SMYD3: variants seen among roughly 807,000 people sequenced by gnomAD.
SMYD3 encodes the protein histone-lysine N-methyltransferase SMYD3.
Under a neutral mutation model 57.7 loss-of-function variants are expected in SMYD3, and 36 were observed. That is an observed-to-expected ratio of 0.62 (90% CI 0.48 to 0.82). The LOEUF (loss-of-function observed/expected upper bound fraction) is 0.82. Among genes scored for constraint, SMYD3 ranks in the 40% least tolerant of loss-of-function variants. SMYD3 has a pLI of 0.00. For synonymous variants in SMYD3, 211 were observed against 195.0 expected, an observed-to-expected ratio of 1.08 and a Z score of -0.68; for missense variants, 515 against 538.8, an observed-to-expected ratio of 0.96 and a Z score of 0.44.
intron 1 of SMYD3, among the ~76,000 whole-genome samples, chr1:246,440,355 G>A (rs4654253): frequency 0.65 from 99,471 of 151,908 alleles, 32,849 homozygotes; most frequent in Admixed American, 0.78. Context: ...AGTACTTACC[G>A]TTTGCCAAGC....
chr1:246,035,070 C>T (rs114047953), intron 5 of SMYD3: 2,308 of 152,304 alleles, frequency 0.015, 33 homozygotes, highest in African/African-American at 0.035. Context: ...CCCACCTGAC[C>T]CTACCCTTCC....
chr1:246,482,799 G>A (rs570785171), intron 1 of SMYD3, among the ~76,000 whole-genome samples: 1 of 152,222 alleles, frequency 6.6e-6, no homozygotes, highest in African/African-American at 2.4e-5. Context: ...GGAAATCAAG[G>A]CCATATACTT....
chr1:246,427,469 G>A (rs1430302907), intron 1 of SMYD3, among the ~76,000 whole-genome samples: 1 of 147,730 alleles, frequency 6.8e-6, no homozygotes, highest in Non-Finnish European at 1.5e-5. Flanking sequence ...GCAGTGAGCC[G>A]AGATCCCGCC....
chr1:246,165,712 A>G (rs3845516), intron 5 of SMYD3, among the ~76,000 whole-genome samples: 52,020 of 152,000 alleles, frequency 0.34, 10,618 homozygotes, highest in African/African-American at 0.55. Flanking sequence ...AAAGTGAATA[A>G]AGGTCGGGGA....
At chr1:246,254,815 T>A (rs1039175031) in intron 5 of SMYD3, among the ~76,000 whole-genome samples, 10 of 152,196 alleles carry the variant, frequency 6.6e-5, no homozygotes, top group Admixed American at 2.6e-4. Context: ...CTTTCAGCAG[T>A]GTTTTCTAAT....
At chr1:245,841,920 C>T (rs2050421909) in intron 10 of SMYD3, among the ~76,000 whole-genome samples, 1 of 152,210 alleles carries the variant, frequency 6.6e-6, no homozygotes, top group Admixed American at 6.5e-5. Context: ...TATACTGGAG[C>T]TGCCCTATGC....
intron 1 of SMYD3, among the ~76,000 whole-genome samples, chr1:246,378,717 A>C (rs1489086264): frequency 1.6e-5 from 1 of 61,596 alleles, no homozygotes; most frequent in Non-Finnish European, 3.2e-5. Context: ...TATATATAAT[A>C]TAATATATTA....
chr1:246,240,394 TG>T (rs1163907174), intron 5 of SMYD3, among the ~76,000 whole-genome samples: 4 of 152,192 alleles, frequency 2.6e-5, no homozygotes, highest in African/African-American at 7.2e-5. Context: ...AAAGATCAGA[TG>T]GTTGTAGATG....
chr1:246,456,834 A>T (rs1055629522), intron 1 of SMYD3, among the ~76,000 whole-genome samples: 2 of 152,222 alleles, frequency 1.3e-5, no homozygotes, highest in Non-Finnish European at 2.9e-5. Context: ...AAGCAGGCAG[A>T]CACAAGATCA....
chr1:245,779,986 C>T (rs1337254212), intron 10 of SMYD3, among the ~76,000 whole-genome samples: 3 of 152,110 alleles, frequency 2.0e-5, no homozygotes, highest in African/African-American at 7.2e-5. Context: ...CCACCTCACA[C>T]CCACTAGGAT....
At chr1:246,309,060 G>A (rs1243942190) in intron 5 of SMYD3, among the ~76,000 whole-genome samples, 2 of 151,712 alleles carry the variant, frequency 1.3e-5, no homozygotes, top group African/African-American at 2.4e-5. Context: ...AGAAGCATCC[G>A]TTCTGTATTA....
intron 5 of SMYD3, among the ~76,000 whole-genome samples, chr1:246,261,145 G>A (rs12028902): frequency 0.15 from 23,176 of 151,924 alleles, 2,345 homozygotes; most frequent in East Asian, 0.34. Flanking sequence ...TGCAAGCTCC[G>A]CCTCCTGGGT....
intron 11 of SMYD3, among the ~76,000 whole-genome samples, chr1:245,756,511 C>T (rs559434634): frequency 1.3e-5 from 2 of 152,122 alleles, no homozygotes; most frequent in East Asian, 1.9e-4. Flanking sequence ...GTTTAGAGAA[C>T]TTCTTTAGCC....
chr1:246,409,025 GT>G (rs11284988), intron 1 of SMYD3, among the ~76,000 whole-genome samples: 66,538 of 151,354 alleles, frequency 0.44, 15,302 homozygotes, highest in Admixed American at 0.54. Flanking sequence ...TTTTTGATGG[GT>G]TTTTTTTTCT....
At chr1:245,797,828 CA>C (rs559088835) in intron 10 of SMYD3, among the ~76,000 whole-genome samples, 1,370 of 109,394 alleles carry the variant, frequency 0.013, 15 homozygotes, top group Middle Eastern at 0.03. Context: ...TTCCGGGTTC[CA>C]AAAAAAAAAA....
rs558843682 is a variant in SMYD3 at position 245,934,719 on chromosome 1, T to C, written c.532-4782A>G. ...GAATCCACAAAGTGTTACCGGAAGG[T>C]TTACGAGAGTACAGGTGATTTCGGC... On this transcript the variant is annotated intron_variant, in intron 5 of 11. Transcript: ENST00000490107. 3.3e-5 allele frequency among the ~76,000 whole-genome samples: 5 copies of C among 152,146 alleles called. No homozygotes were observed. The South Asian group carries it at 1.0e-3, about 32-fold the overall frequency.
At chr1:245,782,406 T>A (rs1279162182) in intron 10 of SMYD3, among the ~76,000 whole-genome samples, 1 of 152,208 alleles carries the variant, frequency 6.6e-6, no homozygotes, top group African/African-American at 2.4e-5. Context: ...TAAACGTTCA[T>A]GAAAAGAAAG....
At chr1:246,480,703 C>A (rs1370664988) in intron 1 of SMYD3, among the ~76,000 whole-genome samples, 2 of 152,136 alleles carry the variant, frequency 1.3e-5, no homozygotes, top group Admixed American at 6.5e-5. Context: ...TAATCAATCC[C>A]CCATTCCCTT....
At chr1:246,494,468 G>A (rs2068325851) in intron 1 of SMYD3, among the ~76,000 whole-genome samples, 1 of 152,148 alleles carries the variant, frequency 6.6e-6, no homozygotes, top group Non-Finnish European at 1.5e-5. Context: ...CAGACATCTG[G>A]ATATTTTTAA....
Sources: allele counts gnomAD v4.1 joint callset (sites outside exome capture counted in the v4.1 genomes callset), GRCh38; gene constraint gnomAD v4.1.1; transcripts MANE v1.5; gene names NCBI Gene and HGNC (gene_info 2026-07-23, HGNC 2026-07-21).